The following MYH13 variants were observed in gnomAD, a reference collection of about 807,000 sequenced individuals.
MYH13 encodes the protein myosin-13.
MYH13 carries 177 observed loss-of-function variants against 232.1 expected under a neutral mutation model. The ratio of observed to expected loss-of-function variants is 0.76; its 90% confidence interval spans 0.67 to 0.86. The LOEUF is 0.86. MYH13 is among the 40% of genes least tolerant of loss of function. The probability of loss-of-function intolerance (pLI) is 0.00; values close to 1 mark genes in which losing one functional copy is unlikely to be tolerated. For missense variants in MYH13, 2,246 were observed against 2,405.9 expected, an observed-to-expected ratio of 0.93 and a Z score of 1.39; for synonymous variants, 884 against 923.5, an observed-to-expected ratio of 0.96 and a Z score of 0.78.
chr17:10,333,690 T>A (rs981621677), intron 18 of MYH13, among the ~76,000 whole-genome samples: 5 of 152,186 alleles, frequency 3.3e-5, no homozygotes, highest in Non-Finnish European at 7.3e-5. Flanking sequence ...GTGTATCGCC[T>A]GAGGTCAGGA....
rs369241268 is a variant in MYH13 at position 10,332,268 on chromosome 17, G to C, written c.2175-46C>G. ...CCAAATGGATTCCAATCCCCGAAAG[G>C]CTTCATAGCTGAGACCAGCCTTCTA... On this transcript the variant is annotated intron_variant, in intron 19 of 40. Coordinates refer to ENST00000252172, the MANE Select transcript of MYH13 (RefSeq NM_003802.3). 20 of 1,607,736 alleles carry C rather than the reference G, an allele frequency of 1.2e-5. No homozygotes were observed. The Admixed American group carries it at 1.3e-4, about 11-fold the overall frequency.
chr17:10,326,430 A>G (rs143383284), intron 22 of MYH13, among the ~76,000 whole-genome samples: 16 of 152,324 alleles, frequency 1.1e-4, no homozygotes, highest in African/African-American at 3.8e-4. Flanking sequence ...TGTGAAAGAG[A>G]CAATTATACT....
intron 31 of MYH13, 47 bp downstream of exon 31, chr17:10,312,527 G>T (rs1289319590): frequency 6.4e-7 from 1 of 1,563,676 alleles, no homozygotes; most frequent in Admixed American, 2.0e-5. Context: ...TCCCCAACTT[G>T]AATTATCCTC....
intron 29 of MYH13, among the ~76,000 whole-genome samples, chr17:10,314,236 A>G (rs1243440951): frequency 6.6e-6 from 1 of 152,164 alleles, no homozygotes; most frequent in East Asian, 1.9e-4. Flanking sequence ...CCTGATCAAC[A>G]TGGAGAAACC....
In MYH13 at chr17:10,318,407, T is replaced by C. The variant is rs574307880; in HGVS notation, c.3738+383A>G. Among the ~76,000 whole-genome samples the C allele has an allele frequency of 5.9e-5, 9 of 152,230 alleles. No individual in the cohort carries two copies. In the South Asian group the frequency reaches 1.9e-3, roughly 32 times the overall value. Reference sequence around the variant, plus strand: ...GCCCTTATGAATGGGATTAGTGTTCTTATAATAGAGGCCTGAGAGAACTTG... The same window carrying C: ...GCCCTTATGAATGGGATTAGTGTTCCTATAATAGAGGCCTGAGAGAACTTG... On this transcript the variant is annotated intron_variant, in intron 27 of 40. Transcript: ENST00000252172.
At chr17:10,370,531 A>G (rs1444399372) in intron 2 of MYH13, among the ~76,000 whole-genome samples, 1 of 151,978 alleles carries the variant, frequency 6.6e-6, no homozygotes, top group Non-Finnish European at 1.5e-5. Flanking sequence ...AATTGAGATG[A>G]CTACCCCCGC....
chr17:10,333,276 A>G, intron 18 of MYH13, 85 bp from the exon 19 acceptor site: 2 of 921,132 alleles, frequency 2.2e-6, no homozygotes, highest in East Asian at 2.6e-5. Flanking sequence ...CCTCCAACAC[A>G]TCCACACTTG....
intron 8 of MYH13, among the ~76,000 whole-genome samples, chr17:10,357,215 G>A (rs915679557): frequency 6.6e-6 from 1 of 152,162 alleles, no homozygotes; most frequent in African/African-American, 2.4e-5. Context: ...GCCCCCCTCA[G>A]CCTCCCAAAG....
chr17:10,354,836 G>GT lies in MYH13; in HGVS notation c.902-54dup, dbSNP rs3214260. ...GCTTATGCATAACTTACTCTGGGTTGTTTTTTTTTTCCCAACGTCACCGAT... is the reference window on the plus strand; with the variant it reads ...GCTTATGCATAACTTACTCTGGGTTGTTTTTTTTTTTCCCAACGTCACCGAT... On this transcript the variant is annotated intron_variant, in intron 10 of 40. Coordinates refer to ENST00000252172, the MANE Select transcript of MYH13 (RefSeq NM_003802.3). The GT allele has an allele frequency of 1.6e-3, 2,566 of 1,565,142 alleles. 4 individuals carry two copies. Among genetic ancestry groups the GT allele is most frequent in the East Asian group, 2.9e-3 (126 of 43,568 alleles).
intron 18 of MYH13, among the ~76,000 whole-genome samples, chr17:10,338,787 G>A (rs1275097328): frequency 6.7e-6 from 1 of 149,098 alleles, no homozygotes; most frequent in African/African-American, 2.5e-5. Context: ...TGCAAGCTCC[G>A]TCTCCCGGGT....
At chr17:10,325,224 C>G (rs1470315762) in intron 22 of MYH13, among the ~76,000 whole-genome samples, 1 of 152,210 alleles carries the variant, frequency 6.6e-6, no homozygotes, top group Non-Finnish European at 1.5e-5. Flanking sequence ...CTGGTTATCT[C>G]ACTCTTCCTG....
Position 10,306,671 on chromosome 17 carries a change from A to G in MYH13, c.5296-42T>C. 6.2e-7 allele frequency: 1 copy of G among 1,610,456 alleles called. No individual in the cohort carries two copies. The highest frequency in any genetic ancestry group is 2.2e-5 in the East Asian group (1 of 44,854). On this transcript the variant is annotated intron_variant, in intron 36 of 40. Transcript: ENST00000252172. The surrounding 1 kb of genome is among the most constrained non-coding windows in gnomAD (Gnocchi z 4.3). ...GACACATCAGAGGCCCTGTCCGCCC[A>G]TCCCTACCCAGAGCTTGCAGAAGAG... is the stretch of plus-strand genomic sequence containing the variant.
At chr17:10,360,283 T>C (rs762213441) in intron 5 of MYH13, 95 bp from the exon 6 acceptor site, 70 of 1,394,138 alleles carry the variant, frequency 5.0e-5, no homozygotes, top group Middle Eastern at 2.2e-4. Flanking sequence ...ACATAGGCTC[T>C]AGTTAATGTC....
At chr17:10,324,381 C>T (rs1907119920) in intron 22 of MYH13, 117 bp from the exon 23 acceptor site, 3 of 1,228,636 alleles carry the variant, frequency 2.4e-6, no homozygotes, top group Admixed American at 4.3e-5. Context: ...GGGTCATGCA[C>T]ACACATGCAC....
chr17:10,314,314 C>G (rs1017313280), intron 29 of MYH13, among the ~76,000 whole-genome samples: 3 of 151,544 alleles, frequency 2.0e-5, no homozygotes, highest in African/African-American at 7.3e-5. Flanking sequence ...ACTTGGGAGG[C>G]TGAGGCAGGA....
intron 18 of MYH13, among the ~76,000 whole-genome samples, chr17:10,338,103 G>A (rs2071590239): frequency 6.6e-6 from 1 of 152,104 alleles, no homozygotes. Context: ...TCCTCCCAGA[G>A]GCACAGTTTG....
intron 16 of MYH13, chr17:10,341,588 T>C (rs1373742182): frequency 1.3e-5 from 2 of 152,114 alleles, no homozygotes; most frequent in African/African-American, 4.8e-5. Flanking sequence ...TGGGGGAAAA[T>C]GTCATGTCCC....
chr17:10,337,614 G>C (rs1466295407), intron 18 of MYH13, among the ~76,000 whole-genome samples: 1 of 152,176 alleles, frequency 6.6e-6, no homozygotes, highest in Non-Finnish European at 1.5e-5. Flanking sequence ...GGGCACACTA[G>C]CTGCTTTCTA....
At position 10,306,453 on chromosome 17, in the gene MYH13, C is replaced by G; in HGVS notation, c.5466+6G>C. 1 of 1,614,140 alleles carries G rather than the reference C, an allele frequency of 6.2e-7. No homozygotes were observed. The highest frequency in any genetic ancestry group is 1.3e-5 in the African/African-American group (1 of 75,022). ...TTCAGAGTAACAGTCCTCTCAAAAA[C>G]TCTACCCGGTTCTCCAGTTTCTGGA... On this transcript the variant is annotated splice_donor_region_variant and intron_variant, in intron 37 of 40. Transcript: ENST00000252172. This position sits in a 1 kb window ranked among gnomAD's most constrained non-coding sequence, Gnocchi z 4.3.
Sources: gnomAD v4.1 joint callset for allele counts (sites outside exome capture counted in the v4.1 genomes callset) on GRCh38, gnomAD v4.1.1 for gene constraint, Gnocchi (gnomAD v3.1) non-coding constraint, MANE v1.5 for transcripts, NCBI Gene and HGNC (gene_info 2026-07-23, HGNC 2026-07-21) for gene names.